Variants in MCM10 observed in about 807,000 individuals in gnomAD.
The protein encoded by MCM10 is protein MCM10 homolog.
In MCM10, 91 loss-of-function variants were observed where a neutral mutation model predicts 109.9. The observed-to-expected ratio is 0.83, with a 90% CI of 0.70 to 0.99. The LOEUF (loss-of-function observed/expected upper bound fraction) is 0.99. MCM10 is among the 50% of genes least tolerant of loss of function. MCM10 has a pLI of 0.00. For synonymous variants in MCM10, 380 were observed against 387.2 expected (o/e 0.98, Z 0.22); for missense variants, 1,077 against 1,061.2 (o/e 1.01, Z -0.21).
Position 13,201,414 on chromosome 10 carries a change from A to G in MCM10, c.2239-7A>G. The stretch of plus-strand genomic sequence containing the variant: ...ACCAGGTCTTTCATTATGCCCTGTC[A>G]TTCCAGGCCGAGGCTGAGATGCAGG... On this transcript the variant is annotated splice_polypyrimidine_tract_variant and splice_region_variant and intron_variant, in intron 16 of 19. Transcript: ENST00000378714. 6.2e-7 allele frequency: 1 copy of G among 1,601,308 alleles called. No homozygotes were observed. The highest frequency in any genetic ancestry group is 8.5e-7 in the Non-Finnish European group (1 of 1,170,378).
Position 13,182,365 on chromosome 10 carries a change from G to C in MCM10, c.931-568G>C, listed in dbSNP as rs1834220008. On this transcript the variant is annotated intron_variant, in intron 7 of 19. Transcript: ENST00000378714. This position sits in a 1 kb window ranked among gnomAD's most constrained non-coding sequence, Gnocchi z 4.2. ...GTAGCACATGCCTGTAGTCCCAGCT[G>C]CTTGGGAGGCTGAGGATGGAGGATT... Among the ~76,000 whole-genome samples the C allele has an allele frequency of 6.6e-6, 1 of 151,962 alleles. No individual in the cohort carries two copies. The highest frequency in any genetic ancestry group is 1.5e-5 in the Non-Finnish European group (1 of 67,970).
chr10:13,197,447 G>C, intron 14 of MCM10, among the ~76,000 whole-genome samples, 176 bp from the exon 15 acceptor site: 1 of 152,218 alleles, frequency 6.6e-6, no homozygotes, highest in South Asian at 2.1e-4. Flanking sequence ...TGTCTCCCAT[G>C]CTATTATATT....
intron 17 of MCM10, 23 bp downstream of exon 17, chr10:13,201,557 G>T: frequency 1.9e-6 from 3 of 1,541,470 alleles, no homozygotes; most frequent in Non-Finnish European, 2.7e-6. Context: ...GGGGGCTGCA[G>T]CAACCCATGG....
At chr10:13,189,992 A>C (rs1259694018) in intron 10 of MCM10, among the ~76,000 whole-genome samples, 1 of 152,216 alleles carries the variant, frequency 6.6e-6, no homozygotes, top group Non-Finnish European at 1.5e-5. Flanking sequence ...AAAGAAAAGA[A>C]AAATCTCTTA....
chr10:13,166,676 AT>A (rs1302964614), intron 2 of MCM10, among the ~76,000 whole-genome samples: 5,650 of 140,564 alleles, frequency 0.04, 228 homozygotes, highest in Admixed American at 0.067. Context: ...ATATATATAT[AT>A]ATATATATAT....
At chr10:13,192,133 A>T in intron 11 of MCM10, 122 bp from the exon 12 acceptor site, 1 of 625,222 alleles carries the variant, frequency 1.6e-6, no homozygotes, top group Non-Finnish European at 2.8e-6. Context: ...TCCTCTTGGG[A>T]TTCCGTCTTC....
At chr10:13,191,215 AATG>A in intron 10 of MCM10, 81 bp from the exon 11 acceptor site, 1 of 892,480 alleles carries the variant, frequency 1.1e-6, no homozygotes, top group Non-Finnish European at 1.9e-6. Context: ...GTGTGTAATA[AATG>A]ATGATATCTA....
In MCM10 at chr10:13,187,204, G is replaced by A. The variant is rs187182053; in HGVS notation, c.1215+924G>A. Among the ~76,000 whole-genome samples, 353 of 152,238 alleles carry A rather than the reference G, an allele frequency of 2.3e-3. 1 individual carries two copies. The highest frequency in any genetic ancestry group is 3.9e-3 in the Non-Finnish European group (268 of 68,020). ...TGTCTCTATGGATTTGCCTCTTCTA[G>A]ACATTTCATATAATGGAATCACAAT... On this transcript the variant is annotated intron_variant, in intron 9 of 19. Coordinates refer to ENST00000378714, the MANE Select transcript of MCM10 (RefSeq NM_018518.5).
At chr10:13,191,912 CAAAT>C (rs1475310722) in intron 11 of MCM10, among the ~76,000 whole-genome samples, 1 of 109,752 alleles carries the variant, frequency 9.1e-6, no homozygotes, top group African/African-American at 2.8e-5. Context: ...AAAATAAAAA[CAAAT>C]AAAAACAAGT....
intron 18 of MCM10, among the ~76,000 whole-genome samples, chr10:13,205,663 C>T (rs182821091): frequency 5.8e-4 from 88 of 152,298 alleles, no homozygotes; most frequent in African/African-American, 2.0e-3. Context: ...TCCCTTTTCA[C>T]CACATCCACG....
At chr10:13,177,982 T>C (rs1220766293) in intron 6 of MCM10, among the ~76,000 whole-genome samples, 1 of 152,204 alleles carries the variant, frequency 6.6e-6, no homozygotes, top group Non-Finnish European at 1.5e-5. Flanking sequence ...ATTTTTGCTT[T>C]GGTTACCTGT....
chr10:13,188,211 T>G (rs1174723624), intron 9 of MCM10, among the ~76,000 whole-genome samples: 1 of 152,164 alleles, frequency 6.6e-6, no homozygotes, highest in African/African-American at 2.4e-5. Flanking sequence ...CCATCTCTCT[T>G]TGTTTCTTTC....
rs71386164 is a variant in MCM10, at chr10:13,195,582, GTTTATTTATTTA to G, written c.1974+345_1974+356del. The G allele has an allele frequency of 5.2e-3, 779 of 148,516 alleles. 7 individuals are homozygous for G. The highest frequency in any genetic ancestry group is 8.4e-3 in the Admixed American group (123 of 14,684). 9.2% of individuals were successfully genotyped at this position (148,516 alleles called of 1,614,324 possible). On this transcript the variant is annotated intron_variant, in intron 14 of 19. Transcript: ENST00000378714. ...GTGGTTTAAGGAATCCTTTTTTTAC[GTTTATTTATTTA>G]TTTATTTATTTATTTATTTATTTAT...
At position 13,172,369 on chromosome 10, in the gene MCM10, T is replaced by C; in HGVS notation, c.350-7T>C. The C allele has an allele frequency of 6.3e-7, 1 of 1,598,390 alleles. No individual in the cohort carries two copies. Among genetic ancestry groups the C allele is most frequent in the South Asian group, 1.1e-5 (1 of 88,854 alleles). ...GGTTCTTAAATTAACATATTTTCAT[T>C]TCCTAGAGGAATTAAGGAATTTGCA... On this transcript the variant is annotated splice_region_variant and splice_polypyrimidine_tract_variant and intron_variant, in intron 3 of 19. Transcript: ENST00000378714. The surrounding 1 kb of genome is among the most constrained non-coding windows in gnomAD (Gnocchi z 5.2).
chr10:13,180,341 T>G (rs987771845), intron 6 of MCM10, 101 bp from the exon 7 acceptor site: 2 of 918,870 alleles, frequency 2.2e-6, no homozygotes, highest in Admixed American at 2.9e-5. Context: ...GAACAGGTAC[T>G]GTAGAGGTTT....
intron 18 of MCM10, among the ~76,000 whole-genome samples, chr10:13,205,120 G>T (rs1468932569): frequency 6.7e-6 from 1 of 150,038 alleles, no homozygotes; most frequent in East Asian, 1.9e-4. Context: ...TAATAGTAAA[G>T]TCGGGGCTTT....
Position 13,172,551 on chromosome 10 carries a change from C to G in MCM10, c.454+71C>G. ...GAAATTATCACATCATTTCTGCATC[C>G]AACTCCTGTCCAAACAGCCCTTTGA... is the stretch of plus-strand genomic sequence containing the variant. On this transcript the variant is annotated intron_variant, in intron 4 of 19. Transcript: ENST00000378714. This position sits in a 1 kb window ranked among gnomAD's most constrained non-coding sequence, Gnocchi z 5.2. 1 of 1,596,688 alleles carries G rather than the reference C, an allele frequency of 6.3e-7. No homozygotes were observed. Among genetic ancestry groups the G allele is most frequent in the Non-Finnish European group, 8.6e-7 (1 of 1,165,006 alleles).
chr10:13,205,900 A>G (rs558479254), intron 18 of MCM10, among the ~76,000 whole-genome samples: 8 of 152,278 alleles, frequency 5.3e-5, no homozygotes, highest in South Asian at 2.1e-4. Flanking sequence ...TTTGACAGTC[A>G]AGGAACATCC....
At chr10:13,203,498 C>T (rs1834527379) in intron 17 of MCM10, among the ~76,000 whole-genome samples, 1 of 152,082 alleles carries the variant, frequency 6.6e-6, no homozygotes, top group African/African-American at 2.4e-5. Flanking sequence ...CTCACAGTTT[C>T]GGGGAGTAGG....
Sources: gnomAD v4.1 joint callset for allele counts (sites outside exome capture counted in the v4.1 genomes callset) on GRCh38, gnomAD v4.1.1 for gene constraint, Gnocchi (gnomAD v3.1) non-coding constraint, MANE v1.5 for transcripts, NCBI Gene and HGNC (gene_info 2026-07-23, HGNC 2026-07-21) for gene names.